DUSP16: variants seen among roughly 807,000 people sequenced by gnomAD.
The protein encoded by DUSP16 is dual specificity protein phosphatase 16.
Under a neutral mutation model 58.3 loss-of-function variants are expected in DUSP16, and 21 were observed. That is an observed-to-expected ratio of 0.36 (90% CI 0.26 to 0.52). The LOEUF is 0.52. Among genes scored for constraint, DUSP16 ranks in the 20% least tolerant of loss-of-function variants. DUSP16 has a pLI of 0.94. For synonymous variants in DUSP16, 320 were observed against 323.8 expected (o/e 0.99, Z 0.12); for missense variants, 726 against 819.0 (o/e 0.89, Z 1.39).
chr12:12,560,198 G>C (rs898581201), intron 1 of DUSP16, among the ~76,000 whole-genome samples: 26 of 151,796 alleles, frequency 1.7e-4, no homozygotes, highest in African/African-American at 6.1e-4. Context: ...ATGAGATATT[G>C]TACTTTGAGT....
At position 12,483,789 on chromosome 12, in the gene DUSP16, C is replaced by T. The variant is rs118005257; in HGVS notation, c.691+3239G>A. 3.3e-5 allele frequency among the ~76,000 whole-genome samples: 5 copies of T among 152,166 alleles called. No individual in the cohort carries two copies. In the East Asian group the frequency reaches 9.6e-4, roughly 29 times the overall value. Reference sequence around the variant, plus strand: ...ACATTAACTAAAAGACAAAACTCCACATAAACCTGAGTCCTTCCAACCAAC... The same window carrying T: ...ACATTAACTAAAAGACAAAACTCCATATAAACCTGAGTCCTTCCAACCAAC... On this transcript the variant is annotated intron_variant, in intron 5 of 6. Transcript: ENST00000298573.
intron 4 of DUSP16, among the ~76,000 whole-genome samples, chr12:12,492,697 C>CT (rs1471156221): frequency 6.6e-6 from 1 of 152,112 alleles, no homozygotes; most frequent in Non-Finnish European, 1.5e-5. Flanking sequence ...AGCTCCACTC[C>CT]TCCTGTTATC....
intron 1 of DUSP16, among the ~76,000 whole-genome samples, chr12:12,556,496 G>T (rs1180845168): frequency 6.6e-6 from 1 of 151,974 alleles, no homozygotes; most frequent in Non-Finnish European, 1.5e-5. Flanking sequence ...GACTGCTTGA[G>T]CCCAGGAGTT....
rs189518815 is a variant in DUSP16 at position 12,535,841 on chromosome 12, T to C, written c.-365-14378A>G. Among the ~76,000 whole-genome samples, 410 of 152,316 alleles carry C rather than the reference T, an allele frequency of 2.7e-3. 3 individuals carry two copies. The highest frequency in any genetic ancestry group is 9.2e-3 in the African/African-American group (384 of 41,572). ...GAGAAGAGAGGAAGATGATTCCAGATGCAGAAAACGCATGAGCAAAGACAG... is the reference window on the plus strand; with the variant it reads ...GAGAAGAGAGGAAGATGATTCCAGACGCAGAAAACGCATGAGCAAAGACAG... On this transcript the variant is annotated intron_variant, in intron 1 of 6. Coordinates refer to ENST00000298573, the MANE Select transcript of DUSP16 (RefSeq NM_030640.3).
chr12:12,488,971 C>A (rs1349326601), intron 4 of DUSP16, among the ~76,000 whole-genome samples: 1 of 152,042 alleles, frequency 6.6e-6, no homozygotes, highest in Non-Finnish European at 1.5e-5. Flanking sequence ...CCCAGCTACT[C>A]GGGAAAGTTG....
At chr12:12,504,712 AG>A (rs72183410) in intron 3 of DUSP16, among the ~76,000 whole-genome samples, 6,691 of 132,666 alleles carry the variant, frequency 0.05, 308 homozygotes, top group East Asian at 0.31. Flanking sequence ...AAAAAAAAAA[AG>A]AAAGAAAGAA....
intron 5 of DUSP16, among the ~76,000 whole-genome samples, chr12:12,482,117 A>G (rs377286123): frequency 2.0e-5 from 3 of 152,114 alleles, no homozygotes; most frequent in Non-Finnish European, 4.4e-5. Context: ...AATGTTGACA[A>G]TACTCTCTCA....
At chr12:12,539,751 TAAA>T (rs71061077) in intron 1 of DUSP16, among the ~76,000 whole-genome samples, 2 of 139,526 alleles carry the variant, frequency 1.4e-5, no homozygotes, top group Admixed American at 1.4e-4. Context: ...AGCAGTTATT[TAAA>T]AAAAAAAAAA....
intron 3 of DUSP16, among the ~76,000 whole-genome samples, chr12:12,513,117 T>C (rs1944101960): frequency 6.6e-6 from 1 of 152,236 alleles, no homozygotes; most frequent in African/African-American, 2.4e-5. Flanking sequence ...ACTACAATAG[T>C]TAAGTTCAAC....
intron 3 of DUSP16, among the ~76,000 whole-genome samples, chr12:12,515,161 G>A (rs1944130059): frequency 6.6e-6 from 1 of 151,796 alleles, no homozygotes. Context: ...AAGCTTTCCT[G>A]AAATATTCTC....
intron 3 of DUSP16, among the ~76,000 whole-genome samples, chr12:12,511,131 G>A (rs1192953038): frequency 1.3e-5 from 2 of 152,236 alleles, no homozygotes; most frequent in Non-Finnish European, 2.9e-5. Flanking sequence ...AACTTTGGCT[G>A]CAGTGTGAGC....
At chr12:12,480,128 C>A in intron 6 of DUSP16, 95 bp downstream of exon 6, 1 of 1,476,426 alleles carries the variant, frequency 6.8e-7, no homozygotes, top group Non-Finnish European at 9.2e-7. Flanking sequence ...CTAAAATAAT[C>A]ATGATCTGCT....
intron 4 of DUSP16, among the ~76,000 whole-genome samples, chr12:12,492,480 C>A (rs879363024): frequency 1.4e-4 from 21 of 152,132 alleles, no homozygotes; most frequent in Non-Finnish European, 2.4e-4. Flanking sequence ...ATAAATCCAT[C>A]CCCTCTTGCT....
intron 3 of DUSP16, among the ~76,000 whole-genome samples, chr12:12,501,160 C>G (rs1040581499): frequency 6.6e-6 from 1 of 152,136 alleles, no homozygotes; most frequent in Non-Finnish European, 1.5e-5. Context: ...AATCTTCTTA[C>G]CATACAAATT....
chr12:12,492,932 T>A (rs187721499), intron 4 of DUSP16, among the ~76,000 whole-genome samples: 1 of 152,268 alleles, frequency 6.6e-6, no homozygotes, highest in Admixed American at 6.5e-5. Flanking sequence ...AATATTTACT[T>A]CTCAATATTC....
chr12:12,535,340 AG>A (rs1243746225), intron 1 of DUSP16, among the ~76,000 whole-genome samples: 1 of 152,246 alleles, frequency 6.6e-6, no homozygotes, highest in African/African-American at 2.4e-5. Context: ...AATGAGTCTA[AG>A]GGGAAAAAAA....
intron 4 of DUSP16, among the ~76,000 whole-genome samples, chr12:12,489,036 C>T (rs1447214581): frequency 6.6e-6 from 1 of 152,158 alleles, no homozygotes; most frequent in African/African-American, 2.4e-5. Flanking sequence ...GCTGAGATCG[C>T]GCCATTGCAC....
At chr12:12,549,936 C>T (rs2136265202) in intron 1 of DUSP16, among the ~76,000 whole-genome samples, 1 of 152,284 alleles carries the variant, frequency 6.6e-6, no homozygotes, top group South Asian at 2.1e-4. Context: ...TACACACTAA[C>T]ATAGTCCCTT....
At chr12:12,524,405 G>A (rs1227897341) in intron 1 of DUSP16, among the ~76,000 whole-genome samples, 1 of 152,220 alleles carries the variant, frequency 6.6e-6, no homozygotes, top group African/African-American at 2.4e-5. Context: ...TGGGTGAGGT[G>A]AGAGGCAGAG....
Sources: allele counts gnomAD v4.1 joint callset (sites outside exome capture counted in the v4.1 genomes callset), GRCh38; gene constraint gnomAD v4.1.1; transcripts MANE v1.5; gene names NCBI Gene and HGNC (gene_info 2026-07-23, HGNC 2026-07-21).